DAB1: variants seen among roughly 807,000 people sequenced by gnomAD.
DAB1 encodes the protein disabled homolog 1.
DAB1 carries 15 observed loss-of-function variants against 64.6 expected under a neutral mutation model. The observed-to-expected ratio is 0.23, with a 90% confidence interval of 0.16 to 0.36. The LOEUF (loss-of-function observed/expected upper bound fraction) is 0.36, where lower values mean the gene tolerates loss of function less well. Among genes scored for constraint, DAB1 ranks in the 10% least tolerant of loss-of-function variants. The pLI is 1.00. For missense variants in DAB1, 596 were observed against 706.7 expected (o/e 0.84, Z 1.78); for synonymous variants, 235 against 251.9 (o/e 0.93, Z 0.64).
At chr1:58,050,118 G>A (rs554044496) in intron 5 of DAB1, among the ~76,000 whole-genome samples, 1 of 152,114 alleles carries the variant, frequency 6.6e-6, no homozygotes, top group Non-Finnish European at 1.5e-5. Flanking sequence ...AGAATAGCAC[G>A]TACAAAGGCC....
chr1:57,627,914 C>G (rs1645942690), intron 7 of DAB1, among the ~76,000 whole-genome samples: 1 of 141,556 alleles, frequency 7.1e-6, no homozygotes, highest in African/African-American at 2.5e-5. Context: ...GTTAACTCTC[C>G]TTGCACTACT....
At chr1:58,284,455 C>T (rs1332244710) in intron 4 of DAB1, among the ~76,000 whole-genome samples, 1 of 152,244 alleles carries the variant, frequency 6.6e-6, no homozygotes, top group Non-Finnish European at 1.5e-5. Flanking sequence ...AACCTGGCTT[C>T]TCCAGTCACA....
intron 7 of DAB1, among the ~76,000 whole-genome samples, chr1:57,464,555 C>T (rs1223968266): frequency 6.6e-6 from 1 of 152,152 alleles, no homozygotes; most frequent in East Asian, 1.9e-4. Context: ...GGGTTTGTTT[C>T]ATTCATTAGT....
At chr1:58,001,252 A>G (rs994858887) in intron 5 of DAB1, among the ~76,000 whole-genome samples, 4 of 151,682 alleles carry the variant, frequency 2.6e-5, no homozygotes, top group Non-Finnish European at 2.9e-5. Flanking sequence ...TTCTAGTCAA[A>G]GGGCTCTTTT....
At chr1:57,163,000 G>C (rs1230776622) in intron 2 of DAB1, among the ~76,000 whole-genome samples, 1 of 152,188 alleles carries the variant, frequency 6.6e-6, no homozygotes, top group African/African-American at 2.4e-5. Flanking sequence ...AAGGGCACAG[G>C]CCTCAGCCCT....
Position 57,695,593 on chromosome 1 carries a change from T to C in DAB1, n.552-45928A>G, listed in dbSNP as rs182382131. 2.7e-3 allele frequency among the ~76,000 whole-genome samples: 417 copies of C among 152,282 alleles called. 1 individual carries two copies. The highest frequency in any genetic ancestry group is 4.8e-3 in the Admixed American group (73 of 15,302). On this transcript the variant is annotated intron_variant and non_coding_transcript_variant, in intron 6 of 20. Transcript: ENST00000485760. ...GTTGCCTTGGGAGGTTGTGAATCCA[T>C]GTCTCCTTAAATAGGCAAATGGAGA...
At chr1:57,865,615 T>C (rs1654263440) in intron 1 of DAB1, among the ~76,000 whole-genome samples, 1 of 152,176 alleles carries the variant, frequency 6.6e-6, no homozygotes, top group Admixed American at 6.5e-5. Flanking sequence ...CCCCCAAGGC[T>C]GCACTTGTCC....
intron 5 of DAB1, among the ~76,000 whole-genome samples, chr1:58,144,434 T>G (rs1654476449): frequency 6.6e-6 from 1 of 152,238 alleles, no homozygotes; most frequent in South Asian, 2.1e-4. Flanking sequence ...GCTTTTTACA[T>G]CTATCAAGTC....
intron 6 of DAB1, among the ~76,000 whole-genome samples, chr1:57,756,520 G>A (rs1460783037): frequency 6.6e-6 from 1 of 152,090 alleles, no homozygotes; most frequent in Non-Finnish European, 1.5e-5. Context: ...TTTATCCTAA[G>A]GGCAGGGAAG....
At chr1:57,811,485 A>C (rs533062972) in intron 6 of DAB1, among the ~76,000 whole-genome samples, 3 of 152,302 alleles carry the variant, frequency 2.0e-5, no homozygotes, top group African/African-American at 7.2e-5. Context: ...GAGGCCTCCC[A>C]AAAAGTTGAG....
chr1:57,025,995 T>C lies in DAB1; in HGVS notation c.772A>G (p.Ile258Val), dbSNP rs190280115. The C allele has an allele frequency of 3.8e-6, 6 of 1,586,442 alleles. No individual in the cohort carries two copies. In the East Asian group the frequency reaches 9.3e-5, roughly 25 times the overall value. The part of the protein sequence containing the change: ...LFGDMSTPPD[I>V]TSPPTPATPG... The stretch of plus-strand genomic sequence containing the variant: ...TGCATACTTACGGGGGGAGAGGTTA[T>C]ATCAGGGGGTGTGGACATGTCCCCA... Residue 258 changes from isoleucine to valine, a missense_variant, in exon 10 of 15, where the codon ATA becomes GTA. This residue lies in a region of DAB1 where 377 missense variants were observed against 400.4 expected (regional missense o/e 0.94). Transcript: ENST00000371236.
intron 7 of DAB1, among the ~76,000 whole-genome samples, chr1:57,481,618 A>G (rs955990071): frequency 1.3e-5 from 2 of 152,148 alleles, no homozygotes; most frequent in African/African-American, 4.8e-5. Flanking sequence ...AGAGTTTGAG[A>G]TCAGCCTGGC....
At chr1:57,288,196 A>G (rs892271520) in intron 2 of DAB1, among the ~76,000 whole-genome samples, 14 of 152,174 alleles carry the variant, frequency 9.2e-5, no homozygotes, top group Non-Finnish European at 1.5e-4. Context: ...ATTGCAAAAT[A>G]TTGTTCTGGG....
chr1:57,734,454 T>G (rs1647588159), intron 6 of DAB1, among the ~76,000 whole-genome samples: 1 of 152,208 alleles, frequency 6.6e-6, no homozygotes. Flanking sequence ...GATTTATAAC[T>G]CCAACCCCAT....
chr1:57,905,261 T>G (rs573794174), intron 5 of DAB1, among the ~76,000 whole-genome samples: 1 of 151,888 alleles, frequency 6.6e-6, no homozygotes, highest in East Asian at 2.0e-4. Context: ...AGCGTGAAAG[T>G]CTTCCTCCTT....
At chr1:58,476,626 C>A (rs1645421620) in intron 3 of DAB1, among the ~76,000 whole-genome samples, 1 of 152,162 alleles carries the variant, frequency 6.6e-6, no homozygotes, top group Non-Finnish European at 1.5e-5. Context: ...TCTCATCTCA[C>A]TACAGATTAA....
intron 14 of DAB1, among the ~76,000 whole-genome samples, chr1:57,004,605 C>T (rs984179150): frequency 6.6e-6 from 1 of 152,206 alleles, no homozygotes; most frequent in Non-Finnish European, 1.5e-5. Context: ...CATTACCCTG[C>T]CCAGGCAGCA....
chr1:58,088,892 C>A (rs1650476544), intron 5 of DAB1, among the ~76,000 whole-genome samples: 1 of 152,104 alleles, frequency 6.6e-6, no homozygotes, highest in Non-Finnish European at 1.5e-5. Context: ...GGAGGGGCTG[C>A]TGATGAGATC....
chr1:57,952,380 A>C (rs771704260), intron 5 of DAB1, among the ~76,000 whole-genome samples: 1 of 152,154 alleles, frequency 6.6e-6, no homozygotes, highest in Non-Finnish European at 1.5e-5. Flanking sequence ...TCCCATCCAG[A>C]CAGCCCAACA....
Sources: allele counts gnomAD v4.1 joint callset (sites outside exome capture counted in the v4.1 genomes callset), GRCh38; gene constraint gnomAD v4.1.1; regional missense constraint gnomAD v4.1.1; transcripts MANE v1.5; gene names NCBI Gene and HGNC (gene_info 2026-07-23, HGNC 2026-07-21).